The following PDE9A variants were observed in gnomAD, a reference collection of about 807,000 sequenced individuals.
The protein encoded by PDE9A is phosphodiesterase 9A.
Under a neutral mutation model 87.4 loss-of-function variants are expected in PDE9A, and 60 were observed. The ratio of observed to expected loss-of-function variants is 0.69; its 90% CI spans 0.56 to 0.85. The LOEUF (loss-of-function observed/expected upper bound fraction) is 0.85. Among genes scored for constraint, PDE9A ranks in the 40% least tolerant of loss-of-function variants. PDE9A has a pLI of 0.00. For missense variants in PDE9A, 665 were observed against 779.0 expected, an observed-to-expected ratio of 0.85 and a Z score of 1.74; for synonymous variants, 272 against 279.4, an observed-to-expected ratio of 0.97 and a Z score of 0.27.
chr21:42,712,375 TC>T (rs1480934796), intron 4 of PDE9A, among the ~76,000 whole-genome samples: 1 of 152,240 alleles, frequency 6.6e-6, no homozygotes, highest in Non-Finnish European at 1.5e-5. Context: ...TGGCGTTGGA[TC>T]CTGTGAATTT....
At position 42,759,950 on chromosome 21, in the gene PDE9A, TTAA is replaced by T. The variant is rs1388902382; in HGVS notation, c.898-377_898-375del. On this transcript the variant is annotated intron_variant, in intron 11 of 19. Transcript: ENST00000291539. The surrounding 1 kb of genome is among the most constrained non-coding windows in gnomAD (Gnocchi z 7.2). The stretch of plus-strand genomic sequence containing the variant: ...CTCAGAACCAAATATTAAAAGCCTA[TTAA>T]AGGTTTCATGGTGACTGGGGACCCA... Among the ~76,000 whole-genome samples the T allele has an allele frequency of 6.6e-6, 1 of 151,992 alleles. No homozygotes were observed. Among genetic ancestry groups the T allele is most frequent in the Non-Finnish European group, 1.5e-5 (1 of 67,968 alleles).
chr21:42,763,164 A>C (rs1477981845), intron 14 of PDE9A, among the ~76,000 whole-genome samples: 2 of 151,600 alleles, frequency 1.3e-5, no homozygotes, highest in African/African-American at 4.9e-5. Flanking sequence ...TCAAACCCTC[A>C]CTCTCTGACA....
intron 4 of PDE9A, among the ~76,000 whole-genome samples, chr21:42,729,133 A>T (rs2051455858): frequency 6.6e-6 from 1 of 152,098 alleles, no homozygotes; most frequent in African/African-American, 2.4e-5. Flanking sequence ...TGGCCTGGAC[A>T]TTTCGTTTTG....
At position 42,653,628 on chromosome 21, in the gene PDE9A, G is replaced by A. The variant is rs2056810413; in HGVS notation, c.-187G>A. ...CGAGCCCGAGCGCGAGCCGAGCGGA[G>A]GAGACCCTGCGGCGCGCGGCGGCGG... On this transcript the variant is annotated 5_prime_UTR_variant, in exon 1 of 20. Transcript: ENST00000291539. 6.3e-6 allele frequency: 1 copy of A among 159,596 alleles called. No individual in the cohort carries two copies. The highest frequency in any genetic ancestry group is 6.6e-5 in the Admixed American group (1 of 15,176). 9.9% of individuals were successfully genotyped at this position (159,596 alleles called of 1,614,324 possible).
rs753571952 is a variant in PDE9A, at chr21:42,743,756, GTCTC to G, written c.569-12_569-9del. On this transcript the variant is annotated splice_polypyrimidine_tract_variant and intron_variant, in intron 7 of 19. Transcript: ENST00000291539. The stretch of plus-strand genomic sequence containing the variant: ...ATTCGTCCGTGGTAACCCCCTTGCT[GTCTC>G]TCTCTCTGTCACCAGTGGAAGGACT... The G allele has an allele frequency of 4.2e-5, 63 of 1,493,074 alleles. No homozygotes were observed. The African/African-American group carries it at 7.1e-4, about 17-fold the overall frequency. The allele number at this position is 1,493,074 out of a possible 1,614,324, so 92.5% of individuals were successfully genotyped here. A position where few individuals can be genotyped will look rare whatever the true frequency, so the allele number is the denominator to read the frequency against.
chr21:42,716,159 G>T (rs142066064), intron 4 of PDE9A, among the ~76,000 whole-genome samples: 7 of 151,956 alleles, frequency 4.6e-5, no homozygotes, highest in African/African-American at 1.7e-4. Flanking sequence ...GTTGCTTCCA[G>T]GTTTGGGCAG....
chr21:42,681,964 G>A (rs890258253), intron 1 of PDE9A, among the ~76,000 whole-genome samples: 3 of 152,328 alleles, frequency 2.0e-5, no homozygotes, highest in South Asian at 2.1e-4. Flanking sequence ...AGCTGCAGCC[G>A]GGCTGGCCTC....
chr21:42,773,714 T>C (rs1380638935), intron 19 of PDE9A, among the ~76,000 whole-genome samples: 2 of 148,670 alleles, frequency 1.3e-5, no homozygotes, highest in Non-Finnish European at 3.0e-5. Flanking sequence ...GGCAGGAGAA[T>C]GGAGTGAACC....
chr21:42,746,246 G>A (rs1230178258), intron 8 of PDE9A, among the ~76,000 whole-genome samples: 1 of 152,216 alleles, frequency 6.6e-6, no homozygotes, highest in Non-Finnish European at 1.5e-5. Context: ...GGTTGCAGGG[G>A]GGAAGATTAT....
intron 7 of PDE9A, chr21:42,741,410 G>A (rs887533529): frequency 6.6e-6 from 1 of 152,204 alleles, no homozygotes; most frequent in African/African-American, 2.4e-5. Context: ...ACTCTTAGTG[G>A]TTGGACAAAG....
chr21:42,737,056 G>T (rs530626473), intron 7 of PDE9A, among the ~76,000 whole-genome samples: 1 of 152,212 alleles, frequency 6.6e-6, no homozygotes, highest in Non-Finnish European at 1.5e-5. Context: ...TTGAGGAGAG[G>T]GCCTGCAGCT....
At position 42,731,945 on chromosome 21, in the gene PDE9A, T is replaced by A. The variant is rs143056226; in HGVS notation, c.438T>A (p.Pro146=). The part of the protein sequence containing the change: ...QGCYQEGQRI[P]PEREELIQSV... The stretch of plus-strand genomic sequence containing the variant: ...GCTACCAGGAAGGCCAGCGCATCCC[T>A]CCAGGTAACGGGCAGCTCCTCGGCC... The change falls in exon 5 of 20, where the codon CCT becomes CCA. Residue 146 remains proline, a synonymous_variant. Coordinates refer to ENST00000291539, the MANE Select transcript of PDE9A (RefSeq NM_002606.3). 3 of 1,613,320 alleles carry A rather than the reference T, an allele frequency of 1.9e-6. No homozygotes were observed. In the African/African-American group the frequency reaches 4.0e-5, roughly 22 times the overall value.
Position 42,772,507 on chromosome 21 carries a change from GA to G in PDE9A, c.1760del (p.Asn587ThrfsTer45), listed in dbSNP as rs1304530962. 1.2e-6 allele frequency: 2 copies of G among 1,603,154 alleles called. No individual in the cohort carries two copies. The highest frequency in any genetic ancestry group is 1.7e-6 in the Non-Finnish European group (2 of 1,173,968). ...AGTCCAGAGAGAGAAGCAGAGATGT[GA>G]AAAACAGTGAAGGTAATGCTTGCTC... ...EKSRERSRDV[K>X]NSEGDCA On this transcript the variant is annotated frameshift_variant, in exon 19 of 20. Transcript: ENST00000291539. LOFTEE classifies it low-confidence loss of function (END_TRUNC).
chr21:42,706,640 T>C (rs1175648157), intron 4 of PDE9A, among the ~76,000 whole-genome samples: 3 of 149,434 alleles, frequency 2.0e-5, no homozygotes, highest in East Asian at 1.9e-4. Flanking sequence ...TGAGACTCTA[T>C]CTCAAAAAAA....
intron 1 of PDE9A, among the ~76,000 whole-genome samples, chr21:42,669,478 G>C (rs2058262118): frequency 6.6e-6 from 1 of 152,186 alleles, no homozygotes; most frequent in Admixed American, 6.5e-5. Context: ...CCACTTAACA[G>C]ACATTTATTG....
At position 42,760,542 on chromosome 21, in the gene PDE9A, C is replaced by T. The variant is rs571486194; in HGVS notation, c.1002+110C>T. 12 of 703,264 alleles carry T rather than the reference C, an allele frequency of 1.7e-5. No individual in the cohort carries two copies. The highest frequency in any genetic ancestry group is 9.8e-5 in the South Asian group (6 of 61,434). 43.6% of individuals were successfully genotyped at this position (703,264 alleles called of 1,614,324 possible). A position where few individuals can be genotyped will look rare whatever the true frequency, so the allele number is the denominator to read the frequency against. ...ACCAAGAGAGCCACAGGCGTGGGGT[C>T]CCCAGCCGCTCCGCCCCTCCTAGGG... On this transcript the variant is annotated intron_variant, in intron 12 of 19. Coordinates refer to ENST00000291539, the MANE Select transcript of PDE9A (RefSeq NM_002606.3). The surrounding 1 kb of genome is among the most constrained non-coding windows in gnomAD (Gnocchi z 5.2).
Position 42,659,214 on chromosome 21 carries a change from T to C in PDE9A, c.69+5331T>C, listed in dbSNP as rs1377449032. 6.6e-6 allele frequency among the ~76,000 whole-genome samples: 1 copy of C among 152,136 alleles called. No homozygotes were observed. Among genetic ancestry groups the C allele is most frequent in the Non-Finnish European group, 1.5e-5 (1 of 68,018 alleles). On this transcript the variant is annotated intron_variant, in intron 1 of 19. Coordinates refer to ENST00000291539, the MANE Select transcript of PDE9A (RefSeq NM_002606.3). The surrounding 1 kb of genome is among the most constrained non-coding windows in gnomAD (Gnocchi z 4.1). ...CATTGGTGTGGTCCGAATTCCCCTT[T>C]AGCCAGACATTTCCAATGTCCAGAG... is the stretch of plus-strand genomic sequence containing the variant.
chr21:42,715,188 C>CTTTT (rs369972172), intron 4 of PDE9A, among the ~76,000 whole-genome samples: 2,150 of 104,574 alleles, frequency 0.021, 104 homozygotes, highest in African/African-American at 0.078. Context: ...TGCATCTTTA[C>CTTTT]TTTTTTTTTT....
intron 10 of PDE9A, among the ~76,000 whole-genome samples, chr21:42,756,372 C>T (rs1354390958): frequency 3.3e-5 from 5 of 152,202 alleles, no homozygotes; most frequent in Admixed American, 2.6e-4. Context: ...CATCTGGCCA[C>T]GCATGAGGCA....
Sources: gnomAD v4.1 joint callset for allele counts (sites outside exome capture counted in the v4.1 genomes callset) on GRCh38, gnomAD v4.1.1 for gene constraint, Gnocchi (gnomAD v3.1) non-coding constraint, MANE v1.5 for transcripts, NCBI Gene and HGNC (gene_info 2026-07-23, HGNC 2026-07-21) for gene names.